The following STIM1 variants were observed in gnomAD, a reference collection of about 807,000 sequenced individuals.
The protein encoded by STIM1 is stromal interaction molecule 1.
A neutral mutation model predicts 74.7 loss-of-function variants in STIM1; 25 were observed. The ratio of observed to expected loss-of-function variants is 0.33; its 90% CI spans 0.24 to 0.47. The LOEUF (loss-of-function observed/expected upper bound fraction) is 0.47, where lower values mean the gene tolerates loss of function less well. Among genes scored for constraint, STIM1 ranks in the 20% least tolerant of loss-of-function variants. STIM1 has a pLI of 1.00. For synonymous variants in STIM1, 328 were observed against 348.8 expected (o/e 0.94, Z 0.66); for missense variants, 728 against 920.8 (o/e 0.79, Z 2.71).
At chr11:4,069,196 C>G (rs993675592) in intron 5 of STIM1, among the ~76,000 whole-genome samples, 1 of 152,134 alleles carries the variant, frequency 6.6e-6, no homozygotes, top group African/African-American at 2.4e-5. Context: ...TCCAGAAATG[C>G]CTCTCTCCTG....
chr11:3,996,607 G>A (rs902276697), intron 2 of STIM1, among the ~76,000 whole-genome samples: 1 of 152,210 alleles, frequency 6.6e-6, no homozygotes, highest in African/African-American at 2.4e-5. Flanking sequence ...GAGTTTCTGT[G>A]TCATTGAGTT....
intron 2 of STIM1, among the ~76,000 whole-genome samples, chr11:3,987,124 T>C (rs1220952390): frequency 6.6e-6 from 1 of 151,772 alleles, no homozygotes; most frequent in African/African-American, 2.4e-5. Context: ...CCTCAGACAC[T>C]AGGTTTCTCC....
chr11:3,863,503 C>T (rs565578240), intron 1 of STIM1, among the ~76,000 whole-genome samples: 1 of 152,190 alleles, frequency 6.6e-6, no homozygotes, highest in Admixed American at 6.5e-5. Context: ...AGGGATCTTC[C>T]CAGCTTGGCT....
intron 1 of STIM1, among the ~76,000 whole-genome samples, chr11:3,867,877 C>T (rs2090921332): frequency 6.6e-6 from 1 of 152,146 alleles, no homozygotes; most frequent in Non-Finnish European, 1.5e-5. Context: ...GGCAAGCAGG[C>T]AGGCTTTCAA....
intron 1 of STIM1, among the ~76,000 whole-genome samples, chr11:3,927,084 G>A (rs989085268): frequency 5.9e-5 from 9 of 152,198 alleles, no homozygotes; most frequent in African/African-American, 2.2e-4. Flanking sequence ...ATACTATCTA[G>A]CACATATGAA....
intron 1 of STIM1, among the ~76,000 whole-genome samples, chr11:3,858,862 A>T (rs1221614473): frequency 6.6e-6 from 1 of 152,124 alleles, no homozygotes; most frequent in Non-Finnish European, 1.5e-5. Context: ...TATTGTCCCC[A>T]TTTTTATGGG....
intron 1 of STIM1, among the ~76,000 whole-genome samples, chr11:3,933,961 T>C (rs982671054): frequency 6.6e-6 from 1 of 152,208 alleles, no homozygotes; most frequent in African/African-American, 2.4e-5. Context: ...TGAAGTTGGT[T>C]GGATCTTTGT....
At chr11:4,077,848 T>C (rs2094445731) in intron 7 of STIM1, among the ~76,000 whole-genome samples, 1 of 152,236 alleles carries the variant, frequency 6.6e-6, no homozygotes, top group African/African-American at 2.4e-5. Flanking sequence ...TATTTTTCAA[T>C]TCTAGAATAT....
intron 1 of STIM1, among the ~76,000 whole-genome samples, chr11:3,939,283 G>A (rs1217871580): frequency 6.6e-6 from 1 of 152,196 alleles, no homozygotes; most frequent in Non-Finnish European, 1.5e-5. Context: ...CTGGCTCTGA[G>A]ATTCTGTGAT....
At chr11:3,993,216 C>T (rs1046234105) in intron 2 of STIM1, among the ~76,000 whole-genome samples, 4 of 152,108 alleles carry the variant, frequency 2.6e-5, no homozygotes, top group Non-Finnish European at 5.9e-5. Context: ...GACTTATATT[C>T]CCCTTGTCAC....
Position 4,092,355 on chromosome 11 carries a change from AT to A in STIM1, c.*558del. On this transcript the variant is annotated 3_prime_UTR_variant, in exon 13 of 13. Transcript: ENST00000526596. ...ATTGATGTGGGTCAGAAGGAGCCTC[AT>A]CCTAATCTCACTCAGGCCTCCAGGG... 5.9e-6 allele frequency: 1 copy of A among 170,796 alleles called. No homozygotes were observed. The highest frequency in any genetic ancestry group is 1.3e-5 in the Non-Finnish European group (1 of 76,940). The allele number at this position is 170,796 out of a possible 1,614,324, so 10.6% of individuals were successfully genotyped here.
intron 2 of STIM1, among the ~76,000 whole-genome samples, chr11:3,984,581 C>G (rs550133444): frequency 2.0e-5 from 3 of 152,354 alleles, no homozygotes; most frequent in African/African-American, 7.2e-5. Flanking sequence ...CCGCAACTTC[C>G]ATTGAGTTCA....
intron 6 of STIM1, among the ~76,000 whole-genome samples, chr11:4,072,037 C>CG (rs2094406975): frequency 6.6e-6 from 1 of 152,178 alleles, no homozygotes; most frequent in African/African-American, 2.4e-5. Flanking sequence ...GAGCAGTCCC[C>CG]ATACCTCATT....
chr11:3,999,481 G>A (rs2093692292), intron 2 of STIM1: 1 of 152,320 alleles, frequency 6.6e-6, no homozygotes, highest in Non-Finnish European at 1.5e-5. Context: ...TTGAATGCCA[G>A]GCCAAGAAGC....
intron 1 of STIM1, among the ~76,000 whole-genome samples, chr11:3,926,312 G>A (rs530069819): frequency 2.0e-5 from 3 of 152,264 alleles, no homozygotes; most frequent in East Asian, 3.9e-4. Flanking sequence ...TGTGGTAAGC[G>A]ATACCGAAAT....
chr11:4,045,076 A>G (rs1268915518), intron 3 of STIM1, among the ~76,000 whole-genome samples: 2 of 152,094 alleles, frequency 1.3e-5, no homozygotes, highest in East Asian at 3.9e-4. Flanking sequence ...GTGCTGATAG[A>G]GGAGTTTCTG....
In STIM1 at chr11:3,935,523, T is replaced by A. The variant is rs536203503; in HGVS notation, c.140-32029T>A. Among the ~76,000 whole-genome samples the A allele has an allele frequency of 2.0e-5, 3 of 152,344 alleles. No individual in the cohort carries two copies. In the East Asian group the frequency reaches 5.8e-4, roughly 29 times the overall value. On this transcript the variant is annotated intron_variant, in intron 1 of 12. Coordinates refer to ENST00000526596, the MANE Select transcript of STIM1 (RefSeq NM_001382567.1). ...GGCACAGTAGACATTCTGGGAAGAC[T>A]TAGTGAAGGAGTAAATAAAAAACAA...
chr11:4,015,717 A>G (rs543959230), intron 2 of STIM1, among the ~76,000 whole-genome samples: 114 of 152,232 alleles, frequency 7.5e-4, no homozygotes, highest in African/African-American at 2.6e-3. Flanking sequence ...ACATAGTCCC[A>G]TATTTCTTGG....
chr11:3,865,581 A>G (rs762961468), intron 1 of STIM1, among the ~76,000 whole-genome samples: 1 of 152,226 alleles, frequency 6.6e-6, no homozygotes, highest in Non-Finnish European at 1.5e-5. Flanking sequence ...TCTGTTTCCT[A>G]TGGTGCCTAA....
Sources: allele counts gnomAD v4.1 joint callset (sites outside exome capture counted in the v4.1 genomes callset), GRCh38; gene constraint gnomAD v4.1.1; transcripts MANE v1.5; gene names NCBI Gene and HGNC (gene_info 2026-07-23, HGNC 2026-07-21).